Variants in TTN observed in about 807,000 individuals in gnomAD.
TTN encodes the protein titin.
TTN carries 1,525 observed loss-of-function variants against 3,223.0 expected under a neutral mutation model. The observed-to-expected ratio is 0.47, with a 90% confidence interval of 0.45 to 0.49. The LOEUF is 0.49. Among genes scored for constraint, TTN ranks in the 20% least tolerant of loss-of-function variants. The pLI, the probability that TTN is intolerant of heterozygous loss-of-function variation, is 0.00. For synonymous variants in TTN, 14,094 were observed against 15,161.0 expected, an observed-to-expected ratio of 0.93 and a Z score of 5.17; for missense variants, 40,786 against 43,424.0, an observed-to-expected ratio of 0.94 and a Z score of 5.40.
chr2:178,535,990 T>A lies in TTN; in HGVS notation c.100757A>T (p.Glu33586Val). Reference protein sequence around the residue: ...GGSVSGTASLEVEVPAKIHLP... With the variant: ...GGSVSGTASLVVEVPAKIHLP... ...AATTTATTTATTTTTACCTTCCACT[T>A]CCAAGGAGGCAGTGCCAGACACAGA... Residue 33586 changes from glutamate to valine, a missense_variant, in exon 357 of 363, where the codon GAA becomes GTA. By Grantham distance (121) the Glu-to-Val change is moderately radical (BLOSUM62 -2). Transcript: ENST00000589042. 6.5e-7 allele frequency: 1 copy of A among 1,531,020 alleles called. No homozygotes were observed. Among genetic ancestry groups the A allele is most frequent in the Non-Finnish European group, 8.7e-7 (1 of 1,143,230 alleles). The allele number at this position is 1,531,020 out of a possible 1,614,324, so 94.8% of individuals were successfully genotyped here.
intron 47 of TTN, chr2:178,749,216 ATTTC>A: frequency 1.9e-6 from 3 of 1,610,924 alleles, no homozygotes; most frequent in Non-Finnish European, 2.5e-6. Flanking sequence ...ATTATTTCTT[ATTTC>A]TTTCTTAATA....
Position 178,582,520 on chromosome 2 carries a change from G to C in TTN, c.65936C>G (p.Pro21979Arg), listed in dbSNP as rs773647071. The change falls in exon 314 of 363, where the codon CCG becomes CGG. Residue 21979 changes from proline (P) to arginine (R), a missense_variant. By Grantham distance (103) the Pro-to-Arg change is moderately radical. Coordinates refer to ENST00000589042, the MANE Select transcript of TTN (RefSeq NM_001267550.2). ...YSDRAMLSWE[P>R]PLEDGGSEIT... Reference sequence around the variant, plus strand: ...TTCTGAGCCTCCATCTTCAAGAGGCGGTTCCCAAGAAAGCATAGCACGATC... The same window carrying C: ...TTCTGAGCCTCCATCTTCAAGAGGCCGTTCCCAAGAAAGCATAGCACGATC... 1 of 1,612,706 alleles carries C rather than the reference G, an allele frequency of 6.2e-7. No individual in the cohort carries two copies. Among genetic ancestry groups the C allele is most frequent in the Non-Finnish European group, 8.5e-7 (1 of 1,179,292 alleles).
chr2:178,755,997 G>A (rs1438329230), intron 46 of TTN, among the ~76,000 whole-genome samples: 1 of 152,076 alleles, frequency 6.6e-6, no homozygotes, highest in Non-Finnish European at 1.5e-5. Context: ...TTTGCTTCCC[G>A]AACCTACGTT....
rs1440897182 is a variant in TTN at position 178,705,331 on chromosome 2, C to G, written c.29447G>C (p.Gly9816Ala). 6.2e-7 allele frequency: 1 copy of G among 1,601,148 alleles called. No homozygotes were observed. The highest frequency in any genetic ancestry group is 2.2e-5 in the East Asian group (1 of 44,724). ...KKTPILKKGA[G>A]EEEEIDIMEL... ...CATGATATCAATTTCCTCTTCTTCT[C>G]CAGCTCCTTTCTTTAAGATTGGAGT... Residue 9816 changes from glycine to alanine, a missense_variant, in exon 103 of 363, where the codon GGA becomes GCA. By Grantham distance (60) the Gly-to-Ala change is moderately conservative. Transcript: ENST00000589042.
chr2:178,740,999 G>C lies in TTN; in HGVS notation c.12234C>G (p.Thr4078=), dbSNP rs192857526. 297 of 1,613,864 alleles carry C rather than the reference G, an allele frequency of 1.8e-4. No individual in the cohort carries two copies. The highest frequency in any genetic ancestry group is 1.3e-3 in the South Asian group (121 of 91,084). ...EQEIATFVKD[T]ILKAALITEE... The stretch of plus-strand genomic sequence containing the variant: ...CTGTAATTAAAGCAGCTTTCAAAAT[G>C]GTGTCTTTTACAAACGTTGCAATTT... The change falls in exon 48 of 363, where the codon ACC becomes ACG. Residue 4078 remains threonine (T), a synonymous_variant. Coordinates refer to ENST00000589042, the MANE Select transcript of TTN (RefSeq NM_001267550.2).
At position 178,681,455 on chromosome 2, in the gene TTN, A is replaced by G. The variant is rs770959595; in HGVS notation, c.33173-5T>C. On this transcript the variant is annotated splice_polypyrimidine_tract_variant and splice_region_variant and intron_variant, in intron 136 of 362. Transcript: ENST00000589042. ...CAGGGACAGCTTTCTTCAGCACTTC[A>G]AAATATCAATATTAAGAGATTTTAA... The G allele has an allele frequency of 6.2e-7, 1 of 1,601,854 alleles. No homozygotes were observed. The highest frequency in any genetic ancestry group is 2.2e-5 in the East Asian group (1 of 44,798).
Position 178,560,323 on chromosome 2 carries a change from T to G in TTN, c.85809A>C (p.Lys28603Asn). The part of the protein sequence containing the change: ...NSLRWVRVNK[K>N]PVYDLRVKST... The stretch of plus-strand genomic sequence containing the variant: ...ATTTCACTCTTAGATCATAAACTGG[T>G]TTTTTGTTTACACGCACCCATCTTA... The change falls in exon 326 of 363, where the codon AAA (lysine) becomes AAC (asparagine). Residue 28603 changes from lysine (K) to asparagine (N), a missense_variant. Lys to Asn is a moderately conservative substitution (Grantham distance 94). Transcript: ENST00000589042. The G allele has an allele frequency of 6.2e-7, 1 of 1,613,778 alleles. No individual in the cohort carries two copies. The highest frequency in any genetic ancestry group is 1.1e-5 in the South Asian group (1 of 91,080).
At chr2:178,664,130 A>C in intron 168 of TTN, 32 bp from the exon 169 acceptor site, 1 of 1,568,538 alleles carries the variant, frequency 6.4e-7, no homozygotes. Flanking sequence ...TACACTCAGA[A>C]AATACAGAGA....
At chr2:178,538,504 T>C (rs1474199189) in intron 354 of TTN, 36 bp downstream of exon 354, 2 of 1,565,764 alleles carry the variant, frequency 1.3e-6, no homozygotes, top group African/African-American at 1.4e-5. Flanking sequence ...CTTGTTTAGT[T>C]TGTAAATCAT....
In TTN at chr2:178,532,413, T is replaced by C. The variant is rs777542393; in HGVS notation, c.104202A>G (p.Pro34734=). 1.7e-5 allele frequency: 27 copies of C among 1,613,868 alleles called. No homozygotes were observed. The Admixed American group carries it at 4.5e-4, about 27-fold the overall frequency. Residue 34734 remains proline (P), a synonymous_variant, in exon 358 of 363, where the codon CCA becomes CCG. Coordinates refer to ENST00000589042, the MANE Select transcript of TTN (RefSeq NM_001267550.2). ...AACTTGTACTAGCTTCAGCCTTCGT[T>C]GGGATGTGATAGGTTGAATACCTGA... The part of the protein sequence containing the change: ...KDFRYSTYHI[P]TKAEASTSYA...
chr2:178,717,097 T>C lies in TTN; in HGVS notation c.25637A>G (p.Gln8546Arg), dbSNP rs548471822. 70 of 1,609,828 alleles carry C rather than the reference T, an allele frequency of 4.3e-5. No individual in the cohort carries two copies. The East Asian group carries it at 8.5e-4, about 20-fold the overall frequency. Residue 8546 changes from glutamine to arginine, a missense_variant and splice_region_variant, in exon 88 of 363, where the codon CAA becomes CGA. Gln to Arg is a conservative substitution (Grantham distance 43). Transcript: ENST00000589042. ...KDSCSAQLGV[Q>R]EPPRFIKKLE... ...TGCTCCTTCACTCTAACAAGTACCTTGTACACCCAGCTGAGCAGAACAAGA... is the reference window on the plus strand; with the variant it reads ...TGCTCCTTCACTCTAACAAGTACCTCGTACACCCAGCTGAGCAGAACAAGA...
rs1354879875 is a variant in TTN, at chr2:178,526,002, A to G, written c.*1010T>C. Reference sequence around the variant, plus strand: ...ACCAGCCACACATTTTGAGGTGCAGATAGCTTGCTTTATTTTGTTGTTACT... The same window carrying G: ...ACCAGCCACACATTTTGAGGTGCAGGTAGCTTGCTTTATTTTGTTGTTACT... On this transcript the variant is annotated 3_prime_UTR_variant, in exon 363 of 363. Coordinates refer to ENST00000589042, the MANE Select transcript of TTN (RefSeq NM_001267550.2). The G allele has an allele frequency of 1.3e-5, 2 of 152,650 alleles. No homozygotes were observed. Among genetic ancestry groups the G allele is most frequent in the Non-Finnish European group, 2.9e-5 (2 of 68,034 alleles). 9.5% of individuals were successfully genotyped at this position (152,650 alleles called of 1,614,324 possible). A position where few individuals can be genotyped will look rare whatever the true frequency, so the allele number is the denominator to read the frequency against.
intron 294 of TTN, among the ~76,000 whole-genome samples, chr2:178,596,956 A>G (rs573358190): frequency 4.5e-4 from 69 of 152,212 alleles, no homozygotes; most frequent in Non-Finnish European, 7.1e-4. Context: ...CTTCTCTTCA[A>G]TTAGAATACT....
At position 178,731,829 on chromosome 2, in the gene TTN, C is replaced by CTTATATA. The variant is rs1224001895; in HGVS notation, c.17045_17046insTATATAA (p.Lys5682AsnfsTer3). The stretch of plus-strand genomic sequence containing the variant: ...GATGATCCTGAATGAAAGTCTTATA[C>CTTATATA]TTTCTACCACTTCGCAGGATTGTGT... On this transcript the variant is annotated stop_gained and frameshift_variant, in exon 58 of 363. Coordinates refer to ENST00000589042, the MANE Select transcript of TTN (RefSeq NM_001267550.2). LOFTEE classifies it high-confidence loss of function. 6.2e-7 allele frequency: 1 copy of CTTATATA among 1,613,710 alleles called. No individual in the cohort carries two copies. The highest frequency in any genetic ancestry group is 1.3e-5 in the African/African-American group (1 of 74,914).
At position 178,566,014 on chromosome 2, in the gene TTN, T is replaced by C; in HGVS notation, c.80118A>G (p.Pro26706=). The C allele has an allele frequency of 6.2e-7, 1 of 1,613,538 alleles. No individual in the cohort carries two copies. The highest frequency in any genetic ancestry group is 8.5e-7 in the Non-Finnish European group (1 of 1,179,598). The change falls in exon 326 of 363, where the codon CCA becomes CCG. Residue 26706 remains proline (P), a synonymous_variant. Coordinates refer to ENST00000589042, the MANE Select transcript of TTN (RefSeq NM_001267550.2). ...CCTTTGCCCCTCCATCAATGATGGGTGGCTCCCATACCAGGAAGGCAGAAT... is the reference window on the plus strand; with the variant it reads ...CCTTTGCCCCTCCATCAATGATGGGCGGCTCCCATACCAGGAAGGCAGAAT... The part of the protein sequence containing the change: ...RKDSAFLVWE[P]PIIDGGAKVK...
chr2:178,806,962 T>A (rs1336556862), intron 1 of TTN, among the ~76,000 whole-genome samples: 1 of 152,240 alleles, frequency 6.6e-6, no homozygotes, highest in Non-Finnish European at 1.5e-5. Flanking sequence ...TTTAGAATAT[T>A]AAGTGAACTT....
rs1560982897 is a variant in TTN, at chr2:178,747,327, C to T, written c.11312-5406G>A. 6.2e-7 allele frequency: 1 copy of T among 1,613,328 alleles called. No individual in the cohort carries two copies. Among genetic ancestry groups the T allele is most frequent in the Non-Finnish European group, 8.5e-7 (1 of 1,179,594 alleles). The stretch of plus-strand genomic sequence containing the variant: ...CCTAAAGGTGTGGAATATCTTTCAA[C>T]TGTCTCACCTCCTGAATGTATTGAG... On this transcript the variant is annotated intron_variant, in intron 47 of 362. Coordinates refer to ENST00000589042, the MANE Select transcript of TTN (RefSeq NM_001267550.2).
Position 178,722,723 on chromosome 2 carries a change from C to G in TTN, c.22176G>C (p.Glu7392Asp), listed in dbSNP as rs2078620935. The G allele has an allele frequency of 1.9e-6, 3 of 1,613,174 alleles. No individual in the cohort carries two copies. In the African/African-American group the frequency reaches 4.0e-5, roughly 22 times the overall value. The change falls in exon 76 of 363, where the codon GAG becomes GAC. Residue 7392 changes from glutamate to aspartate, a missense_variant. By Grantham distance (45) the Glu-to-Asp change is conservative. Transcript: ENST00000589042. ...TACTATTTTCTGCTTTGCATGTGTA[C>G]TCTCCACTGTCATTGATGTTCACTT... ...FNKVNINDSG[E>D]YTCKAENSIG...
rs550981713 is a variant in TTN, at chr2:178,774,725, C to T, written c.6790+196G>A. 61 of 747,680 alleles carry T rather than the reference C, an allele frequency of 8.2e-5. No individual in the cohort carries two copies. The South Asian group carries it at 1.2e-3, about 15-fold the overall frequency. 46.3% of individuals were successfully genotyped at this position (747,680 alleles called of 1,614,324 possible). A position where few individuals can be genotyped will look rare whatever the true frequency, so the allele number is the denominator to read the frequency against. On this transcript the variant is annotated intron_variant, in intron 29 of 362. Transcript: ENST00000589042. ...TTAAAAGCTAAAAATCAAGATAATA[C>T]TACTTTAAAAAATCCAAATGGTCAA... is the stretch of plus-strand genomic sequence containing the variant.
Sources: gnomAD v4.1 joint callset for allele counts (sites outside exome capture counted in the v4.1 genomes callset) on GRCh38, gnomAD v4.1.1 for gene constraint, MANE v1.5 for transcripts, NCBI Gene and HGNC (gene_info 2026-07-23, HGNC 2026-07-21) for gene names.